PHF2: variants seen among roughly 807,000 people sequenced by gnomAD.
PHF2 encodes the protein lysine-specific demethylase PHF2.
In PHF2, 27 loss-of-function variants were observed where a neutral mutation model predicts 120.5. The ratio of observed to expected loss-of-function variants is 0.22; its 90% confidence interval spans 0.17 to 0.31. The LOEUF (loss-of-function observed/expected upper bound fraction) is 0.31. PHF2 is among the 10% of genes least tolerant of loss of function. The pLI, the probability that PHF2 is intolerant of heterozygous loss-of-function variation, is 1.00. For missense variants in PHF2, 1,024 were observed against 1,434.8 expected, an observed-to-expected ratio of 0.71 and a Z score of 4.63; for synonymous variants, 568 against 592.5, an observed-to-expected ratio of 0.96 and a Z score of 0.60.
intron 2 of PHF2, among the ~76,000 whole-genome samples, chr9:93,632,035 AT>A (rs1231752138): frequency 6.6e-6 from 1 of 152,046 alleles, no homozygotes; most frequent in Non-Finnish European, 1.5e-5. Context: ...GGTTTCACAT[AT>A]TGGTGAGCAC....
At chr9:93,591,769 C>T (rs1009985065) in intron 1 of PHF2, among the ~76,000 whole-genome samples, 2 of 152,164 alleles carry the variant, frequency 1.3e-5, no homozygotes, top group South Asian at 4.1e-4. Context: ...CACAGCTTCC[C>T]TAGCAAGGGA....
chr9:93,582,183 A>C (rs1405550723), intron 1 of PHF2, among the ~76,000 whole-genome samples: 1 of 152,164 alleles, frequency 6.6e-6, no homozygotes, highest in Non-Finnish European at 1.5e-5. Flanking sequence ...TGGCTTCATC[A>C]GGTGCACTCT....
At chr9:93,635,175 A>G (rs1826069858) in intron 2 of PHF2, among the ~76,000 whole-genome samples, 1 of 151,726 alleles carries the variant, frequency 6.6e-6, no homozygotes, top group Admixed American at 6.6e-5. Context: ...GGGCAGGGAG[A>G]TTGAACACAA....
chr9:93,668,528 C>T (rs1363110985), intron 17 of PHF2, among the ~76,000 whole-genome samples: 1 of 152,108 alleles, frequency 6.6e-6, no homozygotes, highest in Non-Finnish European at 1.5e-5. Context: ...TCTGAGGCCA[C>T]CCAAGATGAG....
chr9:93,637,827 ACTCT>A (rs1826117979), intron 3 of PHF2, among the ~76,000 whole-genome samples: 1 of 152,198 alleles, frequency 6.6e-6, no homozygotes, highest in South Asian at 2.1e-4. Flanking sequence ...TCATATGGTA[ACTCT>A]CTGTTTAACT....
chr9:93,671,168 G>A, intron 17 of PHF2: 1 of 982,602 alleles, frequency 1.0e-6, no homozygotes. Flanking sequence ...AGGTGTGGGA[G>A]TAGGTACAGG....
chr9:93,675,038 G>A lies in PHF2; in HGVS notation c.2722+16G>A. ...AGCCCAACAGGTAGTGCTGGGACAG[G>A]GGTAGGGGGTCCACCTGACACCCAG... On this transcript the variant is annotated intron_variant, in intron 19 of 21. Transcript: ENST00000359246. The A allele has an allele frequency of 6.3e-7, 1 of 1,597,942 alleles. No homozygotes were observed.
At chr9:93,603,136 T>G (rs1240275777) in intron 1 of PHF2, among the ~76,000 whole-genome samples, 1 of 152,130 alleles carries the variant, frequency 6.6e-6, no homozygotes, top group Non-Finnish European at 1.5e-5. Context: ...CCATGAATCT[T>G]GTGGATTCCG....
In PHF2 at chr9:93,613,224, G is replaced by A. The variant is rs1478528360; in HGVS notation, c.99-16746G>A. Reference sequence around the variant, plus strand: ...TGAGCAAATATATTCTAGAAATGTAGTTGAGAAGTGAATTCCCTGAGAAGC... The same window carrying A: ...TGAGCAAATATATTCTAGAAATGTAATTGAGAAGTGAATTCCCTGAGAAGC... On this transcript the variant is annotated intron_variant, in intron 1 of 21. Transcript: ENST00000359246. Among the ~76,000 whole-genome samples, 6 of 152,344 alleles carry A rather than the reference G, an allele frequency of 3.9e-5. No homozygotes were observed. The East Asian group carries it at 1.2e-3, about 29-fold the overall frequency.
Position 93,679,018 on chromosome 9 carries a change from T to TA in PHF2, c.*1343dup. ...TTTGAAGATGAATCTTCAACTTTAA[T>TA]ACCAGCTCTTTGTTTTCCTTGTATG... On this transcript the variant is annotated 3_prime_UTR_variant, in exon 22 of 22. Transcript: ENST00000359246. 3.0e-6 allele frequency: 1 copy of TA among 334,110 alleles called. No homozygotes were observed. 20.7% of individuals were successfully genotyped at this position (334,110 alleles called of 1,614,324 possible).
At position 93,677,922 on chromosome 9, in the gene PHF2, A is replaced by C. The variant is rs903343670; in HGVS notation, c.*246A>C. 4.0e-6 allele frequency: 2 copies of C among 497,192 alleles called. No homozygotes were observed. The highest frequency in any genetic ancestry group is 2.7e-5 in the South Asian group (1 of 37,406). 30.8% of individuals were successfully genotyped at this position (497,192 alleles called of 1,614,324 possible). A position where few individuals can be genotyped will look rare whatever the true frequency, so the allele number is the denominator to read the frequency against. On this transcript the variant is annotated 3_prime_UTR_variant, in exon 22 of 22. Coordinates refer to ENST00000359246, the MANE Select transcript of PHF2 (RefSeq NM_005392.4). The surrounding 1 kb of genome is among the most constrained non-coding windows in gnomAD (Gnocchi z 4.4). ...ATCTGTCCCAGAAAAGCGGCCCTGC[A>C]AGTTTGAGGACCGCTTATTCCACTT...
intron 14 of PHF2, among the ~76,000 whole-genome samples, chr9:93,664,198 C>T (rs1194241673): frequency 1.3e-5 from 2 of 152,186 alleles, no homozygotes; most frequent in African/African-American, 4.8e-5. Flanking sequence ...GTGAACCCAA[C>T]ATGGGACCCT....
In PHF2 at chr9:93,665,710, G is replaced by T. The variant is rs1158273357; in HGVS notation, c.1962G>T (p.Thr654=). 4.3e-6 allele frequency: 7 copies of T among 1,613,728 alleles called. No homozygotes were observed. The highest frequency in any genetic ancestry group is 3.3e-5 in the Admixed American group (2 of 60,004). Residue 654 remains threonine (T), a synonymous_variant, in exon 15 of 22, where the codon ACG becomes ACT. Coordinates refer to ENST00000359246, the MANE Select transcript of PHF2 (RefSeq NM_005392.4). ...LLGSKALRPP[T]SPGVFGALQN... is the part of the protein sequence containing the mutation. ...GCTCCAAGGCTCTCAGGCCCCCGAC[G>T]AGCCCTGGTGTGTTCGGGGCCTTGC...
chr9:93,583,481 C>T (rs1281088700), intron 1 of PHF2, among the ~76,000 whole-genome samples: 4 of 152,208 alleles, frequency 2.6e-5, no homozygotes, highest in African/African-American at 9.6e-5. Flanking sequence ...TTTTGAGTAA[C>T]TGGCAAACTG....
rs776165547 is a variant in PHF2, at chr9:93,656,437, G to A, written c.1041-52G>A. 3.1e-5 allele frequency: 40 copies of A among 1,274,674 alleles called. No individual in the cohort carries two copies. Among genetic ancestry groups the A allele is most frequent in the Admixed American group, 6.8e-5 (4 of 59,184 alleles). The allele number at this position is 1,274,674 out of a possible 1,614,324, so 79.0% of individuals were successfully genotyped here. A position where few individuals can be genotyped will look rare whatever the true frequency, so the allele number is the denominator to read the frequency against. On this transcript the variant is annotated intron_variant, in intron 8 of 21. Transcript: ENST00000359246. This position sits in a 1 kb window ranked among gnomAD's most constrained non-coding sequence, Gnocchi z 4.1. Reference sequence around the variant, plus strand: ...TCTGGGGCCTGGATTGATGCCCAGCGTCGCCTGCTTGATGGTCAGTGCACT... The same window carrying A: ...TCTGGGGCCTGGATTGATGCCCAGCATCGCCTGCTTGATGGTCAGTGCACT...
At chr9:93,620,120 GC>G (rs572181952) in intron 1 of PHF2, among the ~76,000 whole-genome samples, 3 of 152,334 alleles carry the variant, frequency 2.0e-5, no homozygotes, top group South Asian at 4.1e-4. Context: ...ATGTGGGTGG[GC>G]TCCCGGGACA....
At chr9:93,585,216 A>C (rs770056408) in intron 1 of PHF2, among the ~76,000 whole-genome samples, 1 of 152,184 alleles carries the variant, frequency 6.6e-6, no homozygotes, top group Non-Finnish European at 1.5e-5. Context: ...TTTTTTAACC[A>C]TAAGTATTTT....
chr9:93,676,452 C>T (rs561254505), intron 20 of PHF2, 142 bp from the exon 21 acceptor site: 23 of 922,904 alleles, frequency 2.5e-5, no homozygotes, highest in Middle Eastern at 3.4e-4. Flanking sequence ...GTGCCCCTGG[C>T]GGCCCAGAGT....
intron 17 of PHF2, among the ~76,000 whole-genome samples, chr9:93,672,241 T>G (rs55813150): frequency 8.1e-6 from 1 of 123,792 alleles, no homozygotes; most frequent in South Asian, 2.8e-4. Flanking sequence ...TGGGTGTGGA[T>G]GTAGGTACAG....
Sources: gnomAD v4.1 joint callset for allele counts (sites outside exome capture counted in the v4.1 genomes callset) on GRCh38, gnomAD v4.1.1 for gene constraint, Gnocchi (gnomAD v3.1) non-coding constraint, MANE v1.5 for transcripts, NCBI Gene and HGNC (gene_info 2026-07-23, HGNC 2026-07-21) for gene names.